Variants in DMAP1 observed in about 807,000 individuals in gnomAD.
DMAP1 encodes the protein DNA methyltransferase 1-associated protein 1.
A neutral mutation model predicts 52.7 loss-of-function variants in DMAP1; 26 were observed. That is an observed-to-expected ratio of 0.49 (90% CI 0.36 to 0.68). DMAP1 has a LOEUF of 0.68. DMAP1 is among the 30% of genes least tolerant of loss of function. The pLI, the probability that DMAP1 is intolerant of heterozygous loss-of-function variation, is 0.00. For synonymous variants in DMAP1, 231 were observed against 246.0 expected, an observed-to-expected ratio of 0.94 and a Z score of 0.57; for missense variants, 439 against 625.2, an observed-to-expected ratio of 0.70 and a Z score of 3.18.
chr1:44,217,820 G>T (rs1643825573), intron 3 of DMAP1: 1 of 234,882 alleles, frequency 4.3e-6, no homozygotes, highest in Non-Finnish European at 8.7e-6. Flanking sequence ...TGCGTATGTT[G>T]GTAGTAGGAT....
rs150285378 is a variant in DMAP1 at position 44,220,424 on chromosome 1, G to A, written c.1344+115G>A. 8.3e-5 allele frequency: 129 copies of A among 1,557,718 alleles called. No individual in the cohort carries two copies. In the African/African-American group the frequency reaches 1.5e-3, roughly 18 times the overall value. ...TGCAGCAGGAACGATCATCACTTCT[G>A]TGCGAGTCTGAGACTGAGGGTAGGA... On this transcript the variant is annotated intron_variant, in intron 9 of 9. Transcript: ENST00000372289.
In DMAP1 at chr1:44,213,501, A is replaced by G. The variant is rs556854804; in HGVS notation, c.-253A>G. 9.9e-5 allele frequency: 45 copies of G among 453,144 alleles called. No individual in the cohort carries two copies. In the East Asian group the frequency reaches 1.7e-3, roughly 17 times the overall value. The allele number at this position is 453,144 out of a possible 1,614,324, so 28.1% of individuals were successfully genotyped here. A position where few individuals can be genotyped will look rare whatever the true frequency, so the allele number is the denominator to read the frequency against. On this transcript the variant is annotated 5_prime_UTR_variant, in exon 1 of 10. Coordinates refer to ENST00000372289, the MANE Select transcript of DMAP1 (RefSeq NM_019100.5). This position sits in a 1 kb window ranked among gnomAD's most constrained non-coding sequence, Gnocchi z 4.5. ...GGCTTTGCGGGGACGGGGGAGTGGT[A>G]GTGGGGGCTGCAGCTGCCGGACCCA...
At position 44,219,807 on chromosome 1, in the gene DMAP1, T is replaced by G; in HGVS notation, c.980T>G (p.Met327Arg). 1 of 1,614,088 alleles carries G rather than the reference T, an allele frequency of 6.2e-7. No homozygotes were observed. The highest frequency in any genetic ancestry group is 8.5e-7 in the Non-Finnish European group (1 of 1,180,002). ...SAGVTLRSQR[M>R]KLPSSVGQKK... is the part of the protein sequence containing the mutation. Reference sequence around the variant, plus strand: ...TTAGCTTGCCAGCTTTCATTGCAGATGAAGCTGCCAAGCTCTGTGGGACAG... The same window carrying G: ...TTAGCTTGCCAGCTTTCATTGCAGAGGAAGCTGCCAAGCTCTGTGGGACAG... Residue 327 changes from methionine (M) to arginine (R), a missense_variant and splice_region_variant, in exon 8 of 10, where the codon ATG becomes AGG. Met to Arg is a moderately conservative substitution (Grantham distance 91). Coordinates refer to ENST00000372289, the MANE Select transcript of DMAP1 (RefSeq NM_019100.5).
At chr1:44,219,514 G>A (rs775743595) in intron 7 of DMAP1, 37 bp downstream of exon 7, 1 of 1,539,202 alleles carries the variant, frequency 6.5e-7, no homozygotes, top group Admixed American at 2.1e-5. Flanking sequence ...TTTGGGTCCT[G>A]GGCTCTGCTC....
intron 3 of DMAP1, chr1:44,217,199 TCA>T (rs1383103090): frequency 2.0e-5 from 3 of 152,250 alleles, no homozygotes; most frequent in Non-Finnish European, 2.9e-5. Context: ...GTGTGTACTC[TCA>T]GTTTCCATTC....
At chr1:44,214,962 C>T (rs1643757756) in intron 3 of DMAP1, 64 bp downstream of exon 3, 1 of 1,586,574 alleles carries the variant, frequency 6.3e-7, no homozygotes, top group Non-Finnish European at 8.6e-7. Context: ...TTTGTGCGAG[C>T]TCTCCAGTCT....
At chr1:44,215,571 G>A (rs1364546947) in intron 3 of DMAP1, 2 of 330,776 alleles carry the variant, frequency 6.0e-6, no homozygotes, top group South Asian at 2.4e-5. Flanking sequence ...TCAGTAACAC[G>A]AAACCAGGAT....
rs1643857181 is a variant in DMAP1 at position 44,219,260 on chromosome 1, C to T, written c.906+19C>T. The T allele has an allele frequency of 6.2e-7, 1 of 1,608,858 alleles. No individual in the cohort carries two copies. Among genetic ancestry groups the T allele is most frequent in the Admixed American group, 1.7e-5 (1 of 59,274 alleles). On this transcript the variant is annotated intron_variant, in intron 6 of 9. Coordinates refer to ENST00000372289, the MANE Select transcript of DMAP1 (RefSeq NM_019100.5). Reference sequence around the variant, plus strand: ...GAAGCCGGTGCGGAGGTTCCGCCAGCCTAGCTCAGGGTGGAAGGGTCACCT... The same window carrying T: ...GAAGCCGGTGCGGAGGTTCCGCCAGTCTAGCTCAGGGTGGAAGGGTCACCT...
intron 2 of DMAP1, 71 bp from the exon 3 acceptor site, chr1:44,214,632 T>G: frequency 1.2e-6 from 2 of 1,613,330 alleles, no homozygotes; most frequent in Non-Finnish European, 1.7e-6. Flanking sequence ...GTAGATCAGC[T>G]CCCTGGGACA....
intron 7 of DMAP1, 79 bp downstream of exon 7, chr1:44,219,556 G>A: frequency 4.3e-6 from 6 of 1,405,076 alleles, no homozygotes; most frequent in South Asian, 4.2e-5. Flanking sequence ...GCTGCAGGCA[G>A]GTGGGGATGG....
rs2154314365 is a variant in DMAP1 at position 44,218,849 on chromosome 1, C to T, written c.720+94C>T. ...CCCTCAACTCCCACTCCCAGGTCCCCCTGCCTCCCACTGATACCTTATTAA... is the reference window on the plus strand; with the variant it reads ...CCCTCAACTCCCACTCCCAGGTCCCTCTGCCTCCCACTGATACCTTATTAA... On this transcript the variant is annotated intron_variant, in intron 5 of 9. Coordinates refer to ENST00000372289, the MANE Select transcript of DMAP1 (RefSeq NM_019100.5). The surrounding 1 kb of genome is among the most constrained non-coding windows in gnomAD (Gnocchi z 5.6). The T allele has an allele frequency of 6.6e-7, 1 of 1,508,526 alleles. No homozygotes were observed. Among genetic ancestry groups the T allele is most frequent in the African/African-American group, 1.4e-5 (1 of 72,128 alleles). The allele number at this position is 1,508,526 out of a possible 1,614,324, so 93.4% of individuals were successfully genotyped here.
rs143355210 is a variant in DMAP1, at chr1:44,220,182, G to C, written c.1217G>C (p.Gly406Ala). 1.0e-5 allele frequency: 16 copies of C among 1,605,236 alleles called. No individual in the cohort carries two copies. Residue 406 changes from glycine (G) to alanine (A), a missense_variant, in exon 9 of 10, where the codon GGC (glycine) becomes GCC (alanine). By Grantham distance (60) the Gly-to-Ala change is moderately conservative. Transcript: ENST00000372289. ...EALARAGVLG[G>A]PATPASGPGP... ...CTGGCCCGGGCTGGTGTGCTAGGGG[G>C]CCCTGCCACACCAGCATCAGGCCCA...
chr1:44,220,361 A>G (rs1643879424), intron 9 of DMAP1, 52 bp downstream of exon 9: 4 of 1,520,792 alleles, frequency 2.6e-6, no homozygotes, highest in South Asian at 1.3e-5. Flanking sequence ...GAGTGAGCAC[A>G]TGCACATGGG....
rs377094972 is a variant in DMAP1 at position 44,214,330 on chromosome 1, T to C, written c.106-20T>C. 452 of 1,612,082 alleles carry C rather than the reference T, an allele frequency of 2.8e-4. 1 individual carries two copies. The African/African-American group carries it at 5.3e-3, about 19-fold the overall frequency. Reference sequence around the variant, plus strand: ...GAAAGGGTCTAGGTTGTGGTTCCTTTCTGTGGTTTCCTTCCTCAGAAAAAA... The same window carrying C: ...GAAAGGGTCTAGGTTGTGGTTCCTTCCTGTGGTTTCCTTCCTCAGAAAAAA... On this transcript the variant is annotated intron_variant, in intron 1 of 9. Transcript: ENST00000372289.
At position 44,218,779 on chromosome 1, in the gene DMAP1, T is replaced by TC; in HGVS notation, c.720+26dup. 6.3e-7 allele frequency: 1 copy of TC among 1,578,582 alleles called. No individual in the cohort carries two copies. The highest frequency in any genetic ancestry group is 1.3e-5 in the African/African-American group (1 of 74,212). On this transcript the variant is annotated intron_variant, in intron 5 of 9. Transcript: ENST00000372289. This position sits in a 1 kb window ranked among gnomAD's most constrained non-coding sequence, Gnocchi z 5.6. ...AGGTAAGCCCAAGGCCACATACCTG[T>TC]CCTCCATGCCCCAAACCCCTTGCTC...
chr1:44,214,693 T>G lies in DMAP1; in HGVS notation c.198-10T>G. On this transcript the variant is annotated splice_polypyrimidine_tract_variant and intron_variant, in intron 2 of 9. Coordinates refer to ENST00000372289, the MANE Select transcript of DMAP1 (RefSeq NM_019100.5). ...TTCTAACCTCGCATCTCCCTAAACCTCCCTGCCAGGGATGCACCCCCACTG... is the reference window on the plus strand; with the variant it reads ...TTCTAACCTCGCATCTCCCTAAACCGCCCTGCCAGGGATGCACCCCCACTG... 1 of 1,610,650 alleles carries G rather than the reference T, an allele frequency of 6.2e-7. No homozygotes were observed. The highest frequency in any genetic ancestry group is 8.5e-7 in the Non-Finnish European group (1 of 1,177,344).
chr1:44,219,747 C>A, intron 7 of DMAP1, 59 bp from the exon 8 acceptor site: 1 of 1,589,870 alleles, frequency 6.3e-7, no homozygotes, highest in South Asian at 1.1e-5. Flanking sequence ...GCCTTTTGTC[C>A]CCTTCATCCT....
chr1:44,214,210 G>A, intron 1 of DMAP1, 140 bp from the exon 2 acceptor site: 1 of 786,198 alleles, frequency 1.3e-6, no homozygotes, highest in East Asian at 2.4e-5. Context: ...TCCTGGGAGT[G>A]GGTTTCTGTG....
rs776324842 is a variant in DMAP1, at chr1:44,220,243, C to T, written c.1278C>T (p.Pro426=). 1.0e-5 allele frequency: 16 copies of T among 1,581,510 alleles called. No individual in the cohort carries two copies. Among genetic ancestry groups the T allele is most frequent in the Middle Eastern group, 1.7e-4 (1 of 5,954 alleles). ...PASAEPAVTE[P]GLGPDPKDTI... is the part of the protein sequence containing the mutation. ...CTGCTGAGCCGGCAGTGACTGAACC[C>T]GGACTTGGTCCTGACCCCAAGGACA... The change falls in exon 9 of 10, where the codon CCC becomes CCT. Residue 426 remains proline (P), a synonymous_variant. Transcript: ENST00000372289.
Sources: allele counts gnomAD v4.1 joint callset, GRCh38; gene constraint gnomAD v4.1.1; non-coding constraint Gnocchi (gnomAD v3.1); transcripts MANE v1.5; gene names NCBI Gene and HGNC (gene_info 2026-07-23, HGNC 2026-07-21).